The following SETD2 variants were observed in gnomAD, a reference collection of about 807,000 sequenced individuals.
SETD2 encodes the protein histone-lysine N-methyltransferase SETD2.
SETD2 carries 31 observed loss-of-function variants against 242.1 expected under a neutral mutation model. That is an observed-to-expected ratio of 0.13 (90% CI 0.10 to 0.17). The LOEUF (loss-of-function observed/expected upper bound fraction) is 0.17, where lower values mean the gene tolerates loss of function less well. Ranked by LOEUF, SETD2 falls within the 10% of genes least tolerant of loss-of-function variation. The pLI, the probability that SETD2 is intolerant of heterozygous loss-of-function variation, is 1.00. For synonymous variants in SETD2, 1,006 were observed against 1,066.5 expected (o/e 0.94, Z 1.11); for missense variants, 2,481 against 3,046.3 (o/e 0.81, Z 4.37).
intron 15 of SETD2, among the ~76,000 whole-genome samples, chr3:47,049,304 AATAT>A (rs55952850): frequency 0.015 from 1,645 of 107,464 alleles, 9 homozygotes; most frequent in Middle Eastern, 0.048. Flanking sequence ...AAGTTTTCTA[AATAT>A]ATATATATAT....
At position 47,111,855 on chromosome 3, in the gene SETD2, C is replaced by A. The variant is rs548976392; in HGVS notation, c.4715+2021G>T. On this transcript the variant is annotated intron_variant, in intron 5 of 20. Transcript: ENST00000409792. ...AACAGTGAGAAAAAAAAATTATTGT[C>A]TTTATTACCTGTGTTTTGAATTCCC... is the stretch of plus-strand genomic sequence containing the variant. 2.0e-5 allele frequency among the ~76,000 whole-genome samples: 3 copies of A among 152,014 alleles called. 1 individual carries two copies. In the South Asian group the frequency reaches 6.2e-4, roughly 32 times the overall value.
chr3:47,107,618 A>G (rs2042477665), intron 5 of SETD2, among the ~76,000 whole-genome samples: 1 of 151,856 alleles, frequency 6.6e-6, no homozygotes, highest in Admixed American at 6.6e-5. Context: ...CATCTTGCAA[A>G]TAATTTAAAA....
chr3:47,099,350 T>A (rs2042120667), intron 8 of SETD2, among the ~76,000 whole-genome samples: 1 of 152,162 alleles, frequency 6.6e-6, no homozygotes, highest in African/African-American at 2.4e-5. Flanking sequence ...ATAAAAACTT[T>A]TAGGGTTTTG....
intron 7 of SETD2, among the ~76,000 whole-genome samples, chr3:47,101,971 C>A (rs2042231650): frequency 6.6e-6 from 1 of 151,976 alleles, no homozygotes; most frequent in South Asian, 2.1e-4. Context: ...TTAAAAGTAA[C>A]CATGTTGTAA....
intron 13 of SETD2, chr3:47,064,717 T>C: frequency 4.5e-6 from 1 of 221,764 alleles, no homozygotes; most frequent in Non-Finnish European, 9.8e-6. Context: ...GTTCTATGCT[T>C]TGTTTGACAT....
chr3:47,029,481 A>T (rs1400879248), intron 18 of SETD2, among the ~76,000 whole-genome samples: 1 of 144,450 alleles, frequency 6.9e-6, no homozygotes, highest in Non-Finnish European at 1.5e-5. Flanking sequence ...ACAAATAAAA[A>T]GCAAAAAAAA....
At chr3:47,155,560 C>T (rs2106838501) in intron 1 of SETD2, among the ~76,000 whole-genome samples, 1 of 152,268 alleles carries the variant, frequency 6.6e-6, no homozygotes. Context: ...CACCTGTAAT[C>T]CCAGCACTTT....
At chr3:47,062,397 G>A (rs2107590561) in intron 13 of SETD2, 51 bp from the exon 14 acceptor site, 1 of 1,488,990 alleles carries the variant, frequency 6.7e-7, no homozygotes, top group African/African-American at 1.4e-5. Context: ...AGTTTATTTG[G>A]TGGACTTTTC....
intron 14 of SETD2, among the ~76,000 whole-genome samples, chr3:47,058,349 G>A (rs920076175): frequency 3.5e-5 from 5 of 143,082 alleles, no homozygotes; most frequent in Admixed American, 2.2e-4. Context: ...GCTGAGGCAG[G>A]AGAATCGCTT....
intron 14 of SETD2, 45 bp downstream of exon 14, chr3:47,062,118 C>A: frequency 1.3e-6 from 2 of 1,578,322 alleles, no homozygotes; most frequent in South Asian, 1.2e-5. Context: ...TTTTAACTTG[C>A]TCAAAACAAA....
chr3:47,146,832 G>A lies in SETD2; in HGVS notation c.71+17022C>T, dbSNP rs2043866604. ...GTTTGCCTGTGGTCCCAGCTGCTTG[G>A]GAGGCTGAGACAGGAGAATCACTTG... On this transcript the variant is annotated intron_variant, in intron 1 of 20. Coordinates refer to ENST00000409792, the MANE Select transcript of SETD2 (RefSeq NM_014159.7). Among the ~76,000 whole-genome samples, 3 of 151,782 alleles carry A rather than the reference G, an allele frequency of 2.0e-5. No individual in the cohort carries two copies. The South Asian group carries it at 6.2e-4, about 32-fold the overall frequency.
chr3:47,133,317 G>A (rs903763135), intron 1 of SETD2, among the ~76,000 whole-genome samples: 1 of 152,132 alleles, frequency 6.6e-6, no homozygotes, highest in Non-Finnish European at 1.5e-5. Flanking sequence ...GCCTCCCAAA[G>A]TGCTGGGATT....
At chr3:47,033,285 C>CTT (rs2038856231) in intron 18 of SETD2, among the ~76,000 whole-genome samples, 1 of 152,338 alleles carries the variant, frequency 6.6e-6, no homozygotes, top group East Asian at 1.9e-4. Flanking sequence ...ATTCCTCATC[C>CTT]TTTAAAGCTC....
intron 1 of SETD2, 150 bp downstream of exon 1, chr3:47,163,704 C>G (rs1022834498): frequency 9.3e-5 from 45 of 484,830 alleles, no homozygotes; most frequent in East Asian, 1.3e-4. Flanking sequence ...GAAGTGGCGG[C>G]GCGGGCCTGC....
chr3:47,150,918 T>A (rs2043969006), intron 1 of SETD2, among the ~76,000 whole-genome samples: 1 of 103,752 alleles, frequency 9.6e-6, no homozygotes, highest in Non-Finnish European at 2.4e-5. Flanking sequence ...AGACCCTATC[T>A]TTAAAAAAAA....
rs1348641495 is a variant in SETD2, at chr3:47,123,306, T to C, written c.1330A>G (p.Thr444Ala). Residue 444 changes from threonine to alanine, a missense_variant, in exon 3 of 21, where the codon ACG (threonine) becomes GCG (alanine). Thr to Ala is a moderately conservative substitution (Grantham distance 58). Coordinates refer to ENST00000409792, the MANE Select transcript of SETD2 (RefSeq NM_014159.7). The part of the protein sequence containing the change: ...YHRSSPYRER[T>A]RYSRPYTDNR... ...TCTGTGTATGGCCGAGAATAGCGCG[T>C]CCTCTCTCGATAAGGGGAGCTCCTA... is the stretch of plus-strand genomic sequence containing the variant. The C allele has an allele frequency of 1.1e-5, 17 of 1,551,616 alleles. No individual in the cohort carries two copies. The Middle Eastern group carries it at 5.0e-4, about 46-fold the overall frequency.
In SETD2 at chr3:47,120,364, T is replaced by A. The variant is rs370129587; in HGVS notation, c.4272A>T (p.Arg1424Ser). 6 of 1,613,266 alleles carry A rather than the reference T, an allele frequency of 3.7e-6. No homozygotes were observed. Among genetic ancestry groups the A allele is most frequent in the Non-Finnish European group, 5.1e-6 (6 of 1,179,744 alleles). Residue 1424 changes from arginine to serine, a missense_variant, in exon 3 of 21, where the codon AGA (arginine) becomes AGT (serine). Arg to Ser is a moderately radical substitution (Grantham distance 110, BLOSUM62 -1). Coordinates refer to ENST00000409792, the MANE Select transcript of SETD2 (RefSeq NM_014159.7). ...DSESDGELQD[R>S]KKVRVEVEQG... Reference sequence around the variant, plus strand: ...GCTCTACCTCCACTCTAACTTTCTTTCTGTCCTGAAGCTCACCATCACTTT... The same window carrying A: ...GCTCTACCTCCACTCTAACTTTCTTACTGTCCTGAAGCTCACCATCACTTT...
intron 7 of SETD2, 78 bp from the exon 8 acceptor site, chr3:47,101,633 T>TGTGCGC (rs1553694870): frequency 3.0e-6 from 2 of 669,324 alleles, no homozygotes; most frequent in African/African-American, 3.7e-5. Context: ...TGTGTGTGTG[T>TGTGCGC]GCGCATATAT....
intron 1 of SETD2, among the ~76,000 whole-genome samples, chr3:47,148,648 T>C (rs1213607221): frequency 6.6e-6 from 1 of 152,238 alleles, no homozygotes. Flanking sequence ...CAATCATTAA[T>C]TAGGGTCTTA....
Sources: gnomAD v4.1 joint callset for allele counts (sites outside exome capture counted in the v4.1 genomes callset) on GRCh38, gnomAD v4.1.1 for gene constraint, MANE v1.5 for transcripts, NCBI Gene and HGNC (gene_info 2026-07-23, HGNC 2026-07-21) for gene names.